Variants in TOP6BL observed in about 807,000 individuals in gnomAD.
The protein encoded by TOP6BL is type 2 DNA topoisomerase 6 subunit B-like.
the TOP6BL span, chr11:66,801,189 T>C: frequency 1.4e-6 from 2 of 1,410,680 alleles, no homozygotes; most frequent in East Asian, 2.3e-5. Flanking sequence ...ATTGTCTCAC[T>C]TGTCATTTGT....
At chr11:66,771,184 G>A in the TOP6BL span, 2 of 146,252 alleles carry the variant, frequency 1.4e-5, no homozygotes, top group African/African-American at 5.1e-5. Flanking sequence ...TTTTTTTTTA[G>A]AGATGAGGTC....
chr11:66,759,004 A>G, the TOP6BL span: 1 of 1,447,464 alleles, frequency 6.9e-7, no homozygotes, highest in South Asian at 1.3e-5. Context: ...GAATGCATTT[A>G]CTTATTTGTG....
At chr11:66,843,514 C>T in the TOP6BL span, 2 of 1,496,630 alleles carry the variant, frequency 1.3e-6, no homozygotes, top group Non-Finnish European at 1.8e-6. Context: ...CCGGAGCGGC[C>T]GCCCGAGTCG....
the TOP6BL span, chr11:66,801,009 T>G: frequency 1.9e-6 from 3 of 1,612,374 alleles, no homozygotes; most frequent in South Asian, 3.3e-5. Context: ...GAGAGATGGC[T>G]TAGCTTTGCT....
the TOP6BL span, among the ~76,000 whole-genome samples, chr11:66,789,587 A>G: frequency 1.3e-5 from 2 of 152,210 alleles, no homozygotes; most frequent in Non-Finnish European, 1.5e-5. Context: ...CTCTGAAACT[A>G]TTCATGTCAA....
At chr11:66,757,370 ACTAT>A in the TOP6BL span, among the ~76,000 whole-genome samples, 3 of 152,126 alleles carry the variant, frequency 2.0e-5, no homozygotes, top group Admixed American at 2.0e-4. Flanking sequence ...AATGAAAAAG[ACTAT>A]CTGTTGTTAA....
chr11:66,766,831 C>T, the TOP6BL span, among the ~76,000 whole-genome samples: 1 of 152,046 alleles, frequency 6.6e-6, no homozygotes. Context: ...TTGAGAGTTC[C>T]TCTGAAATAT....
chr11:66,804,792 C>T, the TOP6BL span, among the ~76,000 whole-genome samples: 2 of 151,886 alleles, frequency 1.3e-5, no homozygotes, highest in Non-Finnish European at 2.9e-5. Flanking sequence ...AAAAATTAGG[C>T]CGGGCGTGGT....
At chr11:66,772,434 G>T in the TOP6BL span, among the ~76,000 whole-genome samples, 1 of 152,178 alleles carries the variant, frequency 6.6e-6, no homozygotes, top group African/African-American at 2.4e-5. Context: ...TTTTGCCACT[G>T]CACTCCAGCC....
chr11:66,784,426 T>C, the TOP6BL span, among the ~76,000 whole-genome samples: 1 of 152,152 alleles, frequency 6.6e-6, no homozygotes, highest in East Asian at 1.9e-4. Context: ...CCTCCCAAAG[T>C]GCTGGGACTA....
chr11:66,786,700 C>T, the TOP6BL span, among the ~76,000 whole-genome samples: 1 of 152,108 alleles, frequency 6.6e-6, no homozygotes, highest in Non-Finnish European at 1.5e-5. Flanking sequence ...TCTTATTTCA[C>T]AGAATGGTAA....
the TOP6BL span, among the ~76,000 whole-genome samples, chr11:66,805,191 G>A: frequency 3.3e-5 from 5 of 152,146 alleles, no homozygotes; most frequent in African/African-American, 4.8e-5. Flanking sequence ...CCAAGAACAC[G>A]ACACTGCACT....
At chr11:66,780,800 A>G in the TOP6BL span, among the ~76,000 whole-genome samples, 1 of 151,922 alleles carries the variant, frequency 6.6e-6, no homozygotes, top group Non-Finnish European at 1.5e-5. Context: ...CAGGCTGGTC[A>G]TGAACTCCTG....
At chr11:66,776,942 T>C in the TOP6BL span, among the ~76,000 whole-genome samples, 2 of 152,022 alleles carry the variant, frequency 1.3e-5, no homozygotes, top group Admixed American at 1.3e-4. Flanking sequence ...TGTCCCAGCT[T>C]CTTGGGAGCC....
the TOP6BL span, chr11:66,788,116 T>A: frequency 1.4e-6 from 2 of 1,395,990 alleles, no homozygotes; most frequent in African/African-American, 2.8e-5. Flanking sequence ...CTGGTTCTTA[T>A]CCAAACTGCT....
chr11:66,798,786 A>G, the TOP6BL span, among the ~76,000 whole-genome samples: 2 of 151,756 alleles, frequency 1.3e-5, no homozygotes, highest in South Asian at 2.1e-4. Context: ...TAAAGAATGT[A>G]TTTTTTGGCC....
At chr11:66,751,548 G>A in the TOP6BL span, among the ~76,000 whole-genome samples, 9 of 150,278 alleles carry the variant, frequency 6.0e-5, no homozygotes, top group East Asian at 1.8e-3. Flanking sequence ...TGTTGCCCAG[G>A]CTGGTCTTGA....
chr11:66,818,813 A>G, the TOP6BL span, among the ~76,000 whole-genome samples: 1 of 152,186 alleles, frequency 6.6e-6, no homozygotes, highest in Non-Finnish European at 1.5e-5. Context: ...TCTGAGCCCT[A>G]AAGAACATTC....
chr11:66,814,068 TAAATG>T, the TOP6BL span: 50 of 1,518,692 alleles, frequency 3.3e-5, 1 homozygote, highest in Middle Eastern at 5.8e-4. Flanking sequence ...GAATATTAGA[TAAATG>T]AAAGGAAATA....
Sources: allele counts gnomAD v4.1 joint callset (sites outside exome capture counted in the v4.1 genomes callset), GRCh38; gene constraint gnomAD v4.1.1; transcripts MANE v1.5; gene names NCBI Gene and HGNC (gene_info 2026-07-23, HGNC 2026-07-21).